SELP: variants seen among roughly 807,000 people sequenced by gnomAD.
The protein encoded by SELP is selectin P.
A neutral mutation model predicts 104.1 loss-of-function variants in SELP; 92 were observed. The observed-to-expected ratio is 0.88, with a 90% CI of 0.75 to 1.05. SELP has a LOEUF of 1.05. Ranked by LOEUF, SELP falls within the 50% of genes least tolerant of loss-of-function variation. SELP has a pLI of 0.00. For synonymous variants in SELP, 397 were observed against 364.5 expected (o/e 1.09, Z -1.01); for missense variants, 1,022 against 1,017.3 (o/e 1.00, Z -0.06).
chr1:169,615,305 T>C (rs1007783494), intron 3 of SELP, among the ~76,000 whole-genome samples: 1 of 152,198 alleles, frequency 6.6e-6, no homozygotes, highest in Non-Finnish European at 1.5e-5. Context: ...CGACAATCAA[T>C]GGTAGTGGCT....
chr1:169,628,637 T>A (rs534069845), intron 1 of SELP, among the ~76,000 whole-genome samples: 2 of 152,220 alleles, frequency 1.3e-5, no homozygotes, highest in African/African-American at 4.8e-5. Context: ...TTTATGTCGA[T>A]GTTTTTGCTT....
intron 1 of SELP, among the ~76,000 whole-genome samples, chr1:169,629,058 A>G (rs1663512835): frequency 6.6e-6 from 1 of 152,232 alleles, no homozygotes; most frequent in South Asian, 2.1e-4. Context: ...TGGTTCCTCC[A>G]TAGCCACAGA....
At chr1:169,597,660 T>A (rs1421452690) in intron 10 of SELP, among the ~76,000 whole-genome samples, 1 of 152,224 alleles carries the variant, frequency 6.6e-6, no homozygotes, top group African/African-American at 2.4e-5. Context: ...TTCTTCCATT[T>A]GAATCTCCTC....
intron 3 of SELP, among the ~76,000 whole-genome samples, chr1:169,615,296 G>A (rs1056778437): frequency 6.6e-6 from 1 of 152,100 alleles, no homozygotes; most frequent in Non-Finnish European, 1.5e-5. Flanking sequence ...ATGGCAAAAC[G>A]ACAATCAATG....
At chr1:169,605,377 G>T (rs112754127) in intron 9 of SELP, among the ~76,000 whole-genome samples, 80 of 152,182 alleles carry the variant, frequency 5.3e-4, no homozygotes, top group Middle Eastern at 6.8e-3. Flanking sequence ...GGTGCCTGGC[G>T]ATGAAGGACA....
intron 1 of SELP, among the ~76,000 whole-genome samples, chr1:169,622,695 T>C (rs533001897): frequency 1.3e-5 from 2 of 152,312 alleles, no homozygotes; most frequent in Middle Eastern, 3.4e-3. Flanking sequence ...TTTTAACACA[T>C]AGAGACTTAC....
intron 2 of SELP, among the ~76,000 whole-genome samples, chr1:169,618,473 C>T (rs1662934374): frequency 2.0e-5 from 3 of 152,134 alleles, no homozygotes; most frequent in African/African-American, 7.2e-5. Flanking sequence ...CTGTGGGAGT[C>T]CACCCGGGGC....
At chr1:169,604,796 A>G (rs111620556) in intron 9 of SELP, among the ~76,000 whole-genome samples, 80 of 152,144 alleles carry the variant, frequency 5.3e-4, no homozygotes, top group Middle Eastern at 6.8e-3. Context: ...GTACCACAGA[A>G]CCCATTTCCA....
chr1:169,628,833 A>G (rs2101940605), intron 1 of SELP, among the ~76,000 whole-genome samples: 1 of 152,342 alleles, frequency 6.6e-6, no homozygotes, highest in East Asian at 1.9e-4. Context: ...AGTAATTCAT[A>G]TCCTTAGGTC....
intron 9 of SELP, among the ~76,000 whole-genome samples, chr1:169,603,417 TAG>T (rs1662024461): frequency 6.6e-6 from 1 of 151,420 alleles, no homozygotes; most frequent in Non-Finnish European, 1.5e-5. Context: ...CATCACCAGT[TAG>T]AGATTGTAGA....
rs756324007 is a variant in SELP at position 169,611,631 on chromosome 1, G to A, written c.1008C>T (p.Asp336=). ...CAAAAGCAGTGAGCGGATGAACACA[G>A]TCCATGGTTCCTTCACTGGGGGCTT... ...HLEAPSEGTM[D]CVHPLTAFAY... is the part of the protein sequence containing the mutation. The change falls in exon 7 of 17, where the codon GAC becomes GAT. Residue 336 remains aspartate (D), a synonymous_variant. Transcript: ENST00000263686. 1 of 1,614,148 alleles carries A rather than the reference G, an allele frequency of 6.2e-7. No homozygotes were observed. The highest frequency in any genetic ancestry group is 2.2e-5 in the East Asian group (1 of 44,886).
chr1:169,596,421 A>G (rs1661617117), intron 11 of SELP, among the ~76,000 whole-genome samples: 1 of 152,248 alleles, frequency 6.6e-6, no homozygotes, highest in African/African-American at 2.4e-5. Flanking sequence ...TGGTACAGAA[A>G]TATAAGAAAT....
chr1:169,609,640 G>A lies in SELP; in HGVS notation c.1197C>T (p.Cys399=), dbSNP rs759890597. ...ACTGAAACGCTCTCAAGGATGGAGA[G>A]CAATCCATGCTTCCGTGGACAGGAC... ...LESPVHGSMD[C]SPSLRAFQYD... is the part of the protein sequence containing the mutation. Residue 399 remains cysteine, a synonymous_variant, in exon 8 of 17, where the codon TGC becomes TGT. Transcript: ENST00000263686. 2.5e-6 allele frequency: 4 copies of A among 1,614,012 alleles called. No individual in the cohort carries two copies. The highest frequency in any genetic ancestry group is 3.4e-6 in the Non-Finnish European group (4 of 1,179,954).
In SELP at chr1:169,612,228, G is replaced by A. The variant is rs1212545507; in HGVS notation, c.950C>T (p.Pro317Leu). 2.5e-6 allele frequency: 4 copies of A among 1,613,832 alleles called. No homozygotes were observed. The highest frequency in any genetic ancestry group is 3.4e-6 in the Non-Finnish European group (4 of 1,179,894). ...TACCTGAAACTCACCTTTACACACT[G>A]GGGCTGGGGCTGTCCATACCCCCGA... Reference protein sequence around the residue: ...TASGVWTAPAPVCKAVQCQHL... With the variant: ...TASGVWTAPALVCKAVQCQHL... Residue 317 changes from proline (P) to leucine (L), a missense_variant, in exon 6 of 17, where the codon CCA (proline) becomes CTA (leucine). Pro to Leu is a moderately conservative substitution (Grantham distance 98). Coordinates refer to ENST00000263686, the MANE Select transcript of SELP (RefSeq NM_003005.4).
intron 3 of SELP, among the ~76,000 whole-genome samples, chr1:169,616,715 C>T (rs774198664): frequency 1.4e-4 from 21 of 152,162 alleles, no homozygotes; most frequent in Admixed American, 1.1e-3. Context: ...TTCTGGTCCT[C>T]ACTTTGCTTC....
At chr1:169,627,405 A>G (rs2101937848) in intron 1 of SELP, among the ~76,000 whole-genome samples, 1 of 152,368 alleles carries the variant, frequency 6.6e-6, no homozygotes, top group East Asian at 1.9e-4. Context: ...ACCAATTGCC[A>G]TTATTTTGAG....
chr1:169,611,233 C>T (rs1024652945), intron 7 of SELP, among the ~76,000 whole-genome samples: 1 of 152,166 alleles, frequency 6.6e-6, no homozygotes, highest in Non-Finnish European at 1.5e-5. Flanking sequence ...TCGGATATGT[C>T]AGTAGAGCAG....
At position 169,597,049 on chromosome 1, in the gene SELP, G is replaced by A; in HGVS notation, c.1833C>T (p.Pro611=). Residue 611 remains proline, a synonymous_variant, in exon 11 of 17, where the codon CCC becomes CCT. Coordinates refer to ENST00000263686, the MANE Select transcript of SELP (RefSeq NM_003005.4). Reference sequence around the variant, plus strand: ...CAGAAGTTGTGCATTCCACATTATTGGGCCCCTCCAGCTTAAAGCCGTTGT... The same window carrying A: ...CAGAAGTTGTGCATTCCACATTATTAGGCCCCTCCAGCTTAAAGCCGTTGT... ...SCDNGFKLEG[P]NNVECTTSGR... 1 of 1,613,304 alleles carries A rather than the reference G, an allele frequency of 6.2e-7. No individual in the cohort carries two copies. Among genetic ancestry groups the A allele is most frequent in the South Asian group, 1.1e-5 (1 of 91,024 alleles).
intron 1 of SELP, among the ~76,000 whole-genome samples, chr1:169,624,937 T>G (rs866795613): frequency 6.6e-6 from 1 of 152,136 alleles, no homozygotes; most frequent in Non-Finnish European, 1.5e-5. Flanking sequence ...AGAAAGGAGA[T>G]CTTGTTCTTT....
Sources: allele counts gnomAD v4.1 joint callset (sites outside exome capture counted in the v4.1 genomes callset), GRCh38; gene constraint gnomAD v4.1.1; transcripts MANE v1.5; gene names NCBI Gene and HGNC (gene_info 2026-07-23, HGNC 2026-07-21).